Variants in DMD observed in about 807,000 individuals in gnomAD.
DMD encodes mutant dystrophin.
Under a neutral mutation model 330.1 loss-of-function variants are expected in DMD, and 63 were observed. The ratio of observed to expected loss-of-function variants is 0.19; its 90% CI spans 0.16 to 0.24. DMD has a LOEUF of 0.24. Ranked by LOEUF, DMD falls within the 10% of genes least tolerant of loss-of-function variation. The pLI is 1.00. For missense variants in DMD, 3,344 were observed against 2,684.1 expected (o/e 1.25, Z -5.43); for synonymous variants, 1,223 against 959.8 (o/e 1.27, Z -5.07).
chrX:32,816,798 T>G (rs1273883710), intron 5 of DMD, among the ~76,000 whole-genome samples, 158 bp from the exon 6 acceptor site: 1 of 111,875 alleles, frequency 8.9e-6, no homozygotes, highest in Middle Eastern at 4.3e-3. Flanking sequence ...AAGTCTATTC[T>G]CAAAGGCTAG....
At chrX:32,164,800 C>G (rs778815364) in intron 44 of DMD, among the ~76,000 whole-genome samples, 9 of 109,403 alleles carry the variant, frequency 8.2e-5, no homozygotes, top group African/African-American at 3.1e-4. Context: ...CAGGTCCCCC[C>G]CCCAACCCCA....
intron 9 of DMD, among the ~76,000 whole-genome samples, chrX:32,649,124 T>G (rs964641821): frequency 6.3e-5 from 7 of 110,634 alleles, no homozygotes; most frequent in Admixed American, 9.7e-5. Context: ...TTTTGTTTTT[T>G]TTTTTTCCCC....
intron 47 of DMD, among the ~76,000 whole-genome samples, chrX:31,917,531 A>T (rs942191136): frequency 8.9e-6 from 1 of 112,141 alleles, no homozygotes; most frequent in Non-Finnish European, 1.9e-5. Flanking sequence ...GCGGTGGTTC[A>T]TTCAAGGAAT....
chrX:32,039,216 T>A (rs2095978418), intron 44 of DMD, among the ~76,000 whole-genome samples: 1 of 110,770 alleles, frequency 9.0e-6, no homozygotes, highest in Non-Finnish European at 1.9e-5. Flanking sequence ...CTTCAAGAAA[T>A]GAGAATTATT....
chrX:32,974,509 C>T (rs747752393), intron 2 of DMD, among the ~76,000 whole-genome samples: 1 of 111,645 alleles, frequency 9.0e-6, no homozygotes, highest in African/African-American at 3.2e-5. Context: ...TCTAAATAAA[C>T]GTATTTTTCC....
At chrX:32,631,434 G>A (rs979841660) in intron 11 of DMD, among the ~76,000 whole-genome samples, 1 of 111,703 alleles carries the variant, frequency 9.0e-6, no homozygotes, top group South Asian at 3.7e-4. Flanking sequence ...ATTTTTCCCT[G>A]GTGGGTTTGC....
chrX:31,936,000 T>G (rs1055295083), intron 45 of DMD, among the ~76,000 whole-genome samples: 14 of 111,203 alleles, frequency 1.3e-4, no homozygotes, highest in South Asian at 1.1e-3. Flanking sequence ...TATGTATTAC[T>G]GGGTTCAAAC....
chrX:32,002,644 G>C (rs1192514085), intron 44 of DMD, among the ~76,000 whole-genome samples: 1 of 111,027 alleles, frequency 9.0e-6, no homozygotes, highest in Non-Finnish European at 1.9e-5. Flanking sequence ...AGCTCTGTCT[G>C]TCTTCGATGA....
intron 30 of DMD, among the ~76,000 whole-genome samples, chrX:32,404,445 G>C (rs991364874): frequency 2.7e-5 from 3 of 110,785 alleles, no homozygotes; most frequent in Non-Finnish European, 3.8e-5. Context: ...CTACTATGTG[G>C]GACACGAGGT....
At chrX:32,412,243 C>T in intron 29 of DMD, 1 of 1,014,797 alleles carries the variant, frequency 9.9e-7, no homozygotes, top group Non-Finnish European at 1.3e-6. Context: ...AATGTTCCTC[C>T]TGATCTCATT....
chrX:32,490,367 T>C (rs990846436), intron 20 of DMD, among the ~76,000 whole-genome samples: 2 of 111,900 alleles, frequency 1.8e-5, no homozygotes, highest in Non-Finnish European at 3.8e-5. Context: ...TCTTGTTTTC[T>C]TACACTTGAA....
intron 42 of DMD, among the ~76,000 whole-genome samples, chrX:32,306,602 G>T (rs1292113245): frequency 1.8e-5 from 2 of 111,231 alleles, no homozygotes; most frequent in Non-Finnish European, 3.8e-5. Context: ...CAACTGAAAT[G>T]ATGTGTGCCT....
rs141541034 is a variant in DMD, at chrX:31,242,673, T to C, written c.9286+18282A>G. Among the ~76,000 whole-genome samples the C allele has an allele frequency of 2.9e-3, 310 of 105,948 alleles. 1 individual carries two copies. The highest frequency in any genetic ancestry group is 0.014 in the Middle Eastern group (3 of 208). The allele number at this position is 105,948 out of a possible 115,157, so 92.0% of individuals were successfully genotyped here. On this transcript the variant is annotated intron_variant, in intron 63 of 78. Transcript: ENST00000357033. Reference sequence around the variant, plus strand: ...TTCAAAGGATTTCTTATACAACAGGTAGAAAGATAGCAGGCAACAATAAGA... The same window carrying C: ...TTCAAAGGATTTCTTATACAACAGGCAGAAAGATAGCAGGCAACAATAAGA...
chrX:32,582,197 T>C (rs2149190612), intron 13 of DMD, among the ~76,000 whole-genome samples: 1 of 110,562 alleles, frequency 9.0e-6, no homozygotes, highest in South Asian at 3.8e-4. Flanking sequence ...ACATGAAAAA[T>C]AATTGGAAAG....
chrX:31,977,787 C>CA (rs759262885), intron 44 of DMD, among the ~76,000 whole-genome samples: 2,256 of 60,262 alleles, frequency 0.037, 67 homozygotes, highest in African/African-American at 0.095. Flanking sequence ...CTCTGCAAAT[C>CA]AAAAAAAAAA....
intron 55 of DMD, among the ~76,000 whole-genome samples, chrX:31,573,626 A>G (rs16989693): frequency 0.067 from 7,459 of 111,985 alleles, 213 homozygotes; most frequent in African/African-American, 0.11. Context: ...TTCTTCTCCG[A>G]GTCACATTCT....
At chrX:31,661,815 A>C (rs1380117879) in intron 53 of DMD, among the ~76,000 whole-genome samples, 1 of 112,192 alleles carries the variant, frequency 8.9e-6, no homozygotes, top group Non-Finnish European at 1.9e-5. Context: ...CCAGGAAAGA[A>C]ATGTTTCACA....
At chrX:31,979,415 C>T (rs937438967) in intron 44 of DMD, among the ~76,000 whole-genome samples, 1 of 111,755 alleles carries the variant, frequency 8.9e-6, no homozygotes, top group African/African-American at 3.2e-5. Flanking sequence ...ACATTGTCTT[C>T]TTTACCTTTG....
chrX:31,544,239 A>G lies in DMD; in HGVS notation c.8218-36786T>C, dbSNP rs1253621744. ...CTCGGGAGGCTGAGGCAGGAGAATCACTTGAACTTGGGAGGTGGAGGTTGT... is the reference window on the plus strand; with the variant it reads ...CTCGGGAGGCTGAGGCAGGAGAATCGCTTGAACTTGGGAGGTGGAGGTTGT... On this transcript the variant is annotated intron_variant, in intron 55 of 78. Coordinates refer to ENST00000357033, the MANE Select transcript of DMD (RefSeq NM_004006.3). Among the ~76,000 whole-genome samples the G allele has an allele frequency of 2.8e-5, 3 of 107,485 alleles. No homozygotes were observed. The Admixed American group carries it at 3.0e-4, about 11-fold the overall frequency. The allele number at this position is 107,485 out of a possible 115,157, so 93.3% of individuals were successfully genotyped here. A position where few individuals can be genotyped will look rare whatever the true frequency, so the allele number is the denominator to read the frequency against.
Sources: allele counts gnomAD v4.1 joint callset (sites outside exome capture counted in the v4.1 genomes callset), GRCh38; gene constraint gnomAD v4.1.1; transcripts MANE v1.5; gene names NCBI Gene and HGNC (gene_info 2026-07-23, HGNC 2026-07-21).